Variants in FBXL7 observed in about 807,000 individuals in gnomAD.
FBXL7 encodes F-box and leucine rich repeat protein 7, also known as F-box/LRR-repeat protein 7.
Under a neutral mutation model 38.3 loss-of-function variants are expected in FBXL7, and 12 were observed. That is an observed-to-expected ratio of 0.31 (90% CI 0.20 to 0.51). FBXL7 has a LOEUF of 0.51. FBXL7 is among the 20% of genes least tolerant of loss of function. The probability of loss-of-function intolerance (pLI) is 0.98; values close to 1 mark genes in which losing one functional copy is unlikely to be tolerated. For missense variants in FBXL7, 567 were observed against 676.4 expected, an observed-to-expected ratio of 0.84 and a Z score of 1.79; for synonymous variants, 297 against 300.9, an observed-to-expected ratio of 0.99 and a Z score of 0.13.
chr5:15,567,625 T>C (rs7729228), intron 1 of FBXL7, among the ~76,000 whole-genome samples: 3,834 of 152,046 alleles, frequency 0.025, 153 homozygotes, highest in African/African-American at 0.086. Context: ...CTTTAAGTTT[T>C]AGGGTACATG....
At chr5:15,645,418 C>T (rs1325379226) in intron 2 of FBXL7, among the ~76,000 whole-genome samples, 1 of 152,126 alleles carries the variant, frequency 6.6e-6, no homozygotes, top group Non-Finnish European at 1.5e-5. Flanking sequence ...TATCTGTGAC[C>T]TGGAAGCCTC....
At chr5:15,523,058 C>G (rs1003326864) in intron 1 of FBXL7, among the ~76,000 whole-genome samples, 1 of 152,216 alleles carries the variant, frequency 6.6e-6, no homozygotes, top group African/African-American at 2.4e-5. Context: ...TGGCTACATT[C>G]TCCACTACCA....
chr5:15,887,284 C>T (rs770284949), intron 2 of FBXL7, among the ~76,000 whole-genome samples: 1 of 152,078 alleles, frequency 6.6e-6, no homozygotes, highest in Non-Finnish European at 1.5e-5. Flanking sequence ...AAAGAGCAGG[C>T]TCTGGGAATT....
chr5:15,598,078 G>A (rs1221082560), intron 1 of FBXL7, among the ~76,000 whole-genome samples: 1 of 145,018 alleles, frequency 6.9e-6, no homozygotes, highest in Non-Finnish European at 1.6e-5. Flanking sequence ...GCAAAATTTA[G>A]GGGGAGTGAT....
At chr5:15,913,625 G>A (rs1001293996) in intron 2 of FBXL7, among the ~76,000 whole-genome samples, 3 of 152,122 alleles carry the variant, frequency 2.0e-5, no homozygotes, top group South Asian at 2.1e-4. Flanking sequence ...AGATGTAAAC[G>A]TTGGAATTTT....
At chr5:15,784,634 G>A (rs146447795) in intron 2 of FBXL7, among the ~76,000 whole-genome samples, 143 of 152,128 alleles carry the variant, frequency 9.4e-4, no homozygotes, top group African/African-American at 2.9e-3. Context: ...GTTCTCAAGA[G>A]ATCCCATTGC....
intron 2 of FBXL7, among the ~76,000 whole-genome samples, chr5:15,861,538 C>T (rs968210755): frequency 1.3e-5 from 2 of 152,204 alleles, no homozygotes; most frequent in Non-Finnish European, 2.9e-5. Flanking sequence ...TGGTGATTCT[C>T]AGAGCCACTG....
intron 1 of FBXL7, among the ~76,000 whole-genome samples, chr5:15,537,710 G>T (rs1243842246): frequency 6.6e-6 from 1 of 152,262 alleles, no homozygotes; most frequent in Non-Finnish European, 1.5e-5. Flanking sequence ...AGCTACTTCA[G>T]TGTGCAAAGC....
At chr5:15,714,188 T>A (rs1464928644) in intron 2 of FBXL7, among the ~76,000 whole-genome samples, 1 of 152,162 alleles carries the variant, frequency 6.6e-6, no homozygotes, top group Non-Finnish European at 1.5e-5. Context: ...GGGAGTTGAG[T>A]GGATCATGGG....
intron 2 of FBXL7, among the ~76,000 whole-genome samples, chr5:15,832,898 C>A (rs185406): frequency 1.3e-5 from 2 of 151,668 alleles, no homozygotes; most frequent in Non-Finnish European, 2.9e-5. Flanking sequence ...TGGAAAGGAC[C>A]CGGTGGGAGG....
chr5:15,749,255 A>AAG (rs1313441103), intron 2 of FBXL7, among the ~76,000 whole-genome samples: 5 of 148,086 alleles, frequency 3.4e-5, no homozygotes, highest in African/African-American at 1.2e-4. Flanking sequence ...AAAAAAAAAA[A>AAG]AAAAAAAAAA....
At chr5:15,535,603 G>A (rs1486827039) in intron 1 of FBXL7, among the ~76,000 whole-genome samples, 1 of 152,278 alleles carries the variant, frequency 6.6e-6, no homozygotes, top group Admixed American at 6.5e-5. Context: ...GCATCTGGTG[G>A]AGGAAATTTC....
At chr5:15,700,374 G>A (rs906120128) in intron 2 of FBXL7, among the ~76,000 whole-genome samples, 2 of 152,170 alleles carry the variant, frequency 1.3e-5, no homozygotes, top group Non-Finnish European at 2.9e-5. Context: ...TAATACGTAC[G>A]TTGTTAATCC....
chr5:15,928,116 G>A lies in FBXL7; in HGVS notation c.354G>A (p.Pro118=), dbSNP rs375726815. 1.7e-3 allele frequency: 2,697 copies of A among 1,609,386 alleles called. 52 individuals are homozygous for A. In the African/African-American group the frequency reaches 0.033, roughly 20 times the overall value. The change falls in exon 3 of 4, where the codon CCG becomes CCA. Residue 118 remains proline (P), a synonymous_variant. Transcript: ENST00000504595. The surrounding 1 kb of genome is among the most constrained non-coding windows in gnomAD (Gnocchi z 4.0). The stretch of plus-strand genomic sequence containing the variant: ...AGCAGGCCAGCATAGACCGGCTCCC[G>A]GACCACTCCATGGTGCAGATCTTCT... ...QKEQASIDRL[P]DHSMVQIFSF...
Position 15,654,938 on chromosome 5 carries a change from G to A in FBXL7, c.127+38866G>A, listed in dbSNP as rs570545692. ...GAATATTCATTTCTATGTTTGCATA[G>A]TATGTACACGCTAGAAAATTTCTCA... is the stretch of plus-strand genomic sequence containing the variant. On this transcript the variant is annotated intron_variant, in intron 2 of 3. Transcript: ENST00000504595. Among the ~76,000 whole-genome samples the A allele has an allele frequency of 1.6e-4, 25 of 152,264 alleles. No individual in the cohort carries two copies. In the South Asian group the frequency reaches 5.2e-3, roughly 32 times the overall value.
intron 2 of FBXL7, among the ~76,000 whole-genome samples, chr5:15,625,303 A>T (rs1278255050): frequency 6.6e-6 from 1 of 152,180 alleles, no homozygotes; most frequent in Admixed American, 6.5e-5. Flanking sequence ...TAGGATCTAA[A>T]GTATATGTAA....
intron 1 of FBXL7, among the ~76,000 whole-genome samples, chr5:15,510,090 A>G (rs775466671): frequency 5.9e-5 from 9 of 152,228 alleles, no homozygotes; most frequent in Non-Finnish European, 1.3e-4. Context: ...TACTCATTCT[A>G]TCAGTTCCTC....
chr5:15,754,591 C>A (rs1736242235), intron 2 of FBXL7, among the ~76,000 whole-genome samples: 1 of 152,156 alleles, frequency 6.6e-6, no homozygotes, highest in African/African-American at 2.4e-5. Flanking sequence ...CCAATAAATG[C>A]CACTTGCATT....
chr5:15,677,208 G>A (rs187380329), intron 2 of FBXL7, among the ~76,000 whole-genome samples: 118 of 152,246 alleles, frequency 7.8e-4, no homozygotes, highest in Non-Finnish European at 1.5e-3. Context: ...AGTGGCTCAC[G>A]CCGGAAATCC....
Sources: gnomAD v4.1 joint callset for allele counts (sites outside exome capture counted in the v4.1 genomes callset) on GRCh38, gnomAD v4.1.1 for gene constraint, Gnocchi (gnomAD v3.1) non-coding constraint, MANE v1.5 for transcripts, NCBI Gene and HGNC (gene_info 2026-07-23, HGNC 2026-07-21) for gene names.